Variants in FRMPD4 observed in about 807,000 individuals in gnomAD.
FRMPD4 encodes FERM and PDZ domain-containing protein 4.
Under a neutral mutation model 94.1 loss-of-function variants are expected in FRMPD4, and 22 were observed. The ratio of observed to expected loss-of-function variants is 0.23; its 90% confidence interval spans 0.17 to 0.33. The LOEUF is 0.33. FRMPD4 is among the 10% of genes least tolerant of loss of function. The pLI, the probability that FRMPD4 is intolerant of heterozygous loss-of-function variation, is 1.00. For synonymous variants in FRMPD4, 631 were observed against 548.6 expected (o/e 1.15, Z -2.10); for missense variants, 1,111 against 1,339.9 (o/e 0.83, Z 2.67).
At chrX:12,270,742 G>A (rs982165931) in intron 1 of FRMPD4, among the ~76,000 whole-genome samples, 1 of 111,188 alleles carries the variant, frequency 9.0e-6, no homozygotes, top group South Asian at 3.8e-4. Context: ...CGTTTCTTCC[G>A]CAAATCTATG....
chrX:12,577,615 T>TG (rs2058824678), intron 2 of FRMPD4, among the ~76,000 whole-genome samples: 1 of 111,078 alleles, frequency 9.0e-6, no homozygotes, highest in African/African-American at 3.3e-5. Flanking sequence ...GTAGCTTGGA[T>TG]GGGACCAAGG....
In FRMPD4 at chrX:12,724,269, T is replaced by A. The variant is rs1425406652; in HGVS notation, c.*2411T>A. ...GTCCTTCTAATCAACCTCCCATTACTGCGCCAGTAAGTTTCTGTTTCTTAT... is the reference window on the plus strand; with the variant it reads ...GTCCTTCTAATCAACCTCCCATTACAGCGCCAGTAAGTTTCTGTTTCTTAT... On this transcript the variant is annotated 3_prime_UTR_variant, in exon 17 of 17. Coordinates refer to ENST00000675598, the MANE Select transcript of FRMPD4 (RefSeq NM_001368397.1). 1 of 111,675 alleles carries A rather than the reference T, an allele frequency of 9.0e-6. No individual in the cohort carries two copies. Among genetic ancestry groups the A allele is most frequent in the Non-Finnish European group, 1.9e-5 (1 of 53,111 alleles). The allele number at this position is 111,675 out of a possible 1,213,427, so 9.2% of individuals were successfully genotyped here.
intron 1 of FRMPD4, among the ~76,000 whole-genome samples, chrX:12,147,798 G>A (rs1489720739): frequency 1.8e-5 from 2 of 111,910 alleles, no homozygotes; most frequent in Admixed American, 9.5e-5. Flanking sequence ...TGCTCATTTC[G>A]TGTTTCTGTG....
intron 4 of FRMPD4, among the ~76,000 whole-genome samples, chrX:12,651,253 G>A (rs769083504): frequency 9.0e-6 from 1 of 111,022 alleles, no homozygotes; most frequent in Non-Finnish European, 1.9e-5. Flanking sequence ...TGGCCAAGAA[G>A]TACTTTAAAT....
chrX:11,872,526 T>C lies in FRMPD4; in HGVS notation c.-29-5369T>C, dbSNP rs768792497. Among the ~76,000 whole-genome samples the C allele has an allele frequency of 1.4e-3, 158 of 112,405 alleles. 3 individuals carry two copies. In the Admixed American group the frequency reaches 0.015, roughly 11 times the overall value. ...GTTTTATTCTCAGCAAACCATGTGA[T>C]ATTTTCCTTACTCTTTTACAGAGAA... On this transcript the variant is annotated intron_variant, in intron 2 of 18. Transcript: ENST00000640291.
chrX:12,719,891 T>C (rs774441215), intron 16 of FRMPD4, among the ~76,000 whole-genome samples: 4 of 111,022 alleles, frequency 3.6e-5, no homozygotes, highest in Non-Finnish European at 7.5e-5. Flanking sequence ...TGTTTCAACT[T>C]CAGACTTTTA....
chrX:12,310,124 G>A (rs1451008335), intron 1 of FRMPD4, among the ~76,000 whole-genome samples: 1 of 111,068 alleles, frequency 9.0e-6, no homozygotes, highest in African/African-American at 3.3e-5. Context: ...TGAAAAGAGA[G>A]TCAGCGAAGG....
intron 3 of FRMPD4, among the ~76,000 whole-genome samples, chrX:11,879,194 G>C: frequency 8.9e-6 from 1 of 111,873 alleles, no homozygotes; most frequent in Non-Finnish European, 1.9e-5. Flanking sequence ...ATCCCCAAAA[G>C]CTGTTGGCTT....
intron 1 of FRMPD4, among the ~76,000 whole-genome samples, chrX:11,822,798 T>C (rs763473034): frequency 1.8e-5 from 2 of 112,409 alleles, no homozygotes; most frequent in Non-Finnish European, 3.8e-5. Flanking sequence ...TCTCTACTTC[T>C]ATGGATACTG....
chrX:11,848,333 T>G, intron 1 of FRMPD4, among the ~76,000 whole-genome samples: 1 of 111,551 alleles, frequency 9.0e-6, no homozygotes, highest in Admixed American at 9.5e-5. Flanking sequence ...TTAACTTTTT[T>G]AAAACTTGGC....
chrX:12,469,848 A>G (rs1024390118), intron 1 of FRMPD4, among the ~76,000 whole-genome samples: 2 of 112,654 alleles, frequency 1.8e-5, no homozygotes, highest in Non-Finnish European at 3.8e-5. Context: ...TATTAGGTAA[A>G]AACATCCAAA....
chrX:11,855,483 G>T (rs988157540), intron 1 of FRMPD4, among the ~76,000 whole-genome samples: 6 of 112,199 alleles, frequency 5.3e-5, no homozygotes, highest in African/African-American at 1.9e-4. Context: ...TTTATGCTCT[G>T]CTACCTCTAG....
At chrX:12,512,095 T>C (rs1363636497) in intron 2 of FRMPD4, among the ~76,000 whole-genome samples, 1 of 112,520 alleles carries the variant, frequency 8.9e-6, no homozygotes, top group Admixed American at 9.4e-5. Context: ...AAAAAGATTA[T>C]GATTTGCTGA....
At chrX:12,636,614 A>G (rs965392724) in intron 4 of FRMPD4, among the ~76,000 whole-genome samples, 6 of 112,546 alleles carry the variant, frequency 5.3e-5, no homozygotes, top group South Asian at 3.6e-4. Flanking sequence ...AAGAAAAACT[A>G]TTTGGCTACC....
intron 2 of FRMPD4, among the ~76,000 whole-genome samples, chrX:12,538,606 G>A (rs1232237018): frequency 9.0e-5 from 10 of 111,582 alleles, no homozygotes; most frequent in African/African-American, 2.0e-4. Flanking sequence ...CCACACGGCC[G>A]GGTACCCCTC....
At chrX:12,097,614 C>T (rs908558786) in intron 3 of FRMPD4, among the ~76,000 whole-genome samples, 2 of 112,177 alleles carry the variant, frequency 1.8e-5, no homozygotes, top group Non-Finnish European at 3.8e-5. Context: ...TACTTTCTGT[C>T]TCTATAGATT....
At chrX:12,161,682 T>C (rs1169329966) in intron 1 of FRMPD4, among the ~76,000 whole-genome samples, 1 of 111,850 alleles carries the variant, frequency 8.9e-6, no homozygotes, top group African/African-American at 3.3e-5. Flanking sequence ...CTGTAGAAAT[T>C]AACGCCACTA....
intron 3 of FRMPD4, among the ~76,000 whole-genome samples, chrX:11,894,443 G>A (rs2053891436): frequency 8.9e-6 from 1 of 112,245 alleles, no homozygotes; most frequent in Non-Finnish European, 1.9e-5. Context: ...CATAGGCATT[G>A]GAATGTACAA....
At chrX:11,867,134 T>C (rs1758908262) in intron 2 of FRMPD4, among the ~76,000 whole-genome samples, 1 of 111,662 alleles carries the variant, frequency 9.0e-6, no homozygotes, top group South Asian at 3.7e-4. Flanking sequence ...GCTGTATATA[T>C]TTACATGTCC....
Sources: gnomAD v4.1 joint callset for allele counts (sites outside exome capture counted in the v4.1 genomes callset) on GRCh38, gnomAD v4.1.1 for gene constraint, MANE v1.5 for transcripts, NCBI Gene and HGNC (gene_info 2026-07-23, HGNC 2026-07-21) for gene names.